The following SACM1L variants were observed in gnomAD, a reference collection of about 807,000 sequenced individuals.
The protein encoded by SACM1L is phosphatidylinositol-3-phosphatase SAC1.
A neutral mutation model predicts 89.5 loss-of-function variants in SACM1L; 32 were observed. The ratio of observed to expected loss-of-function variants is 0.36; its 90% CI spans 0.27 to 0.48. The LOEUF is 0.48. Ranked by LOEUF, SACM1L falls within the 20% of genes least tolerant of loss-of-function variation. SACM1L has a pLI of 0.99. For missense variants in SACM1L, 543 were observed against 708.5 expected (o/e 0.77, Z 2.65); for synonymous variants, 213 against 232.8 (o/e 0.92, Z 0.77).
rs1698820674 is a variant in SACM1L, at chr3:45,722,967, G to T, written c.852+12G>T. The T allele has an allele frequency of 6.2e-7, 1 of 1,600,054 alleles. No individual in the cohort carries two copies. Among genetic ancestry groups the T allele is most frequent in the Admixed American group, 1.7e-5 (1 of 59,570 alleles). ...AAGTAGCAAATCACGTGTGTATCTT[G>T]CATGCCTTTTTTGTTGGTTAAAAAT... On this transcript the variant is annotated intron_variant, in intron 10 of 19. Transcript: ENST00000389061.
intron 11 of SACM1L, among the ~76,000 whole-genome samples, chr3:45,724,109 G>T (rs1389090721): frequency 6.6e-6 from 1 of 152,040 alleles, no homozygotes; most frequent in Non-Finnish European, 1.5e-5. Flanking sequence ...ATCTGATTGA[G>T]TCCCTGTTTT....
chr3:45,736,675 A>T (rs1490934903), intron 14 of SACM1L, among the ~76,000 whole-genome samples: 1 of 152,244 alleles, frequency 6.6e-6, no homozygotes, highest in East Asian at 1.9e-4. Flanking sequence ...GTTTGGTTCC[A>T]TGGCTGATTA....
intron 7 of SACM1L, among the ~76,000 whole-genome samples, chr3:45,715,138 TA>T (rs1450037640): frequency 6.6e-6 from 1 of 152,138 alleles, no homozygotes; most frequent in Non-Finnish European, 1.5e-5. Context: ...GTACACTCTA[TA>T]ATGTATAGAA....
chr3:45,724,133 C>A (rs1373440241), intron 11 of SACM1L, among the ~76,000 whole-genome samples: 1 of 152,060 alleles, frequency 6.6e-6, no homozygotes, highest in Non-Finnish European at 1.5e-5. Context: ...TTCTTTTAGG[C>A]TTATACTTAG....
At chr3:45,731,594 T>C (rs1699055006) in intron 12 of SACM1L, among the ~76,000 whole-genome samples, 1 of 152,238 alleles carries the variant, frequency 6.6e-6, no homozygotes, top group African/African-American at 2.4e-5. Flanking sequence ...TAGTCTCTGA[T>C]TAAAATTCCC....
Position 45,743,689 on chromosome 3 carries a change from G to A in SACM1L, c.*20G>A, listed in dbSNP as rs754712614. 1.1e-5 allele frequency: 18 copies of A among 1,607,158 alleles called. No homozygotes were observed. Among genetic ancestry groups the A allele is most frequent in the Admixed American group, 8.5e-5 (5 of 59,162 alleles). On this transcript the variant is annotated 3_prime_UTR_variant, in exon 20 of 20. Coordinates refer to ENST00000389061, the MANE Select transcript of SACM1L (RefSeq NM_014016.5). ...GACTGAATTTGTATTTGTGGAAAGC[G>A]GCTTGGCTTGGAAGATTCCATTGTG...
intron 19 of SACM1L, 60 bp downstream of exon 19, chr3:45,739,704 C>T: frequency 4.0e-6 from 6 of 1,517,344 alleles, no homozygotes; most frequent in Non-Finnish European, 5.5e-6. Flanking sequence ...TTTACAACAT[C>T]TTAAGTTTTT....
At chr3:45,724,651 T>C (rs987739269) in intron 11 of SACM1L, among the ~76,000 whole-genome samples, 7 of 152,180 alleles carry the variant, frequency 4.6e-5, no homozygotes, top group African/African-American at 1.7e-4. Context: ...CCAGCTTATC[T>C]AGTTTTTCTT....
At chr3:45,708,956 T>A (rs1215754922) in intron 4 of SACM1L, among the ~76,000 whole-genome samples, 3 of 152,260 alleles carry the variant, frequency 2.0e-5, no homozygotes, top group African/African-American at 7.2e-5. Flanking sequence ...CTGGACTTTT[T>A]AATCTTTGTT....
At chr3:45,717,114 C>T (rs949698192) in intron 7 of SACM1L, among the ~76,000 whole-genome samples, 1 of 152,184 alleles carries the variant, frequency 6.6e-6, no homozygotes, top group African/African-American at 2.4e-5. Context: ...GAATTGGGAG[C>T]TCAAGAGGAG....
Position 45,744,890 on chromosome 3 carries a change from C to T in SACM1L, c.*1221C>T, listed in dbSNP as rs1315539852. The stretch of plus-strand genomic sequence containing the variant: ...ACTGCTGCAATATTTCAGTGTTGTG[C>T]TTGAAAATATGTACAGTTTTTTTCC... On this transcript the variant is annotated 3_prime_UTR_variant, in exon 20 of 20. Coordinates refer to ENST00000389061, the MANE Select transcript of SACM1L (RefSeq NM_014016.5). The T allele has an allele frequency of 6.6e-6, 1 of 152,414 alleles. No individual in the cohort carries two copies. The highest frequency in any genetic ancestry group is 1.5e-5 in the Non-Finnish European group (1 of 68,030). 9.4% of individuals were successfully genotyped at this position (152,414 alleles called of 1,614,324 possible).
Position 45,739,655 on chromosome 3 carries a change from T to A in SACM1L, c.1627+11T>A. On this transcript the variant is annotated intron_variant, in intron 19 of 19. Transcript: ENST00000389061. ...GTTTGCTTATGGCTGGTAAGTCTGC[T>A]CCACACATTTGTTTCTTAGTTAGAA... The A allele has an allele frequency of 6.2e-7, 1 of 1,613,492 alleles. No individual in the cohort carries two copies. The highest frequency in any genetic ancestry group is 8.5e-7 in the Non-Finnish European group (1 of 1,179,474).
chr3:45,738,630 A>G lies in SACM1L; in HGVS notation c.1435A>G (p.Ile479Val). The change falls in exon 17 of 20, where the codon ATA becomes GTA. Residue 479 changes from isoleucine (I) to valine (V), a missense_variant. Ile to Val is a conservative substitution (Grantham distance 29). Coordinates refer to ENST00000389061, the MANE Select transcript of SACM1L (RefSeq NM_014016.5). ...TATAATGGATGGCTGGAACTCAATG[A>G]TACGATATTATAAGAACAACTTTTC... ...GLIMDGWNSM[I>V]RYYKNNFSDG... The G allele has an allele frequency of 6.2e-7, 1 of 1,612,912 alleles. No individual in the cohort carries two copies. Among genetic ancestry groups the G allele is most frequent in the East Asian group, 2.2e-5 (1 of 44,798 alleles).
intron 11 of SACM1L, among the ~76,000 whole-genome samples, chr3:45,727,747 C>T (rs1698956150): frequency 6.6e-6 from 1 of 152,156 alleles, no homozygotes; most frequent in South Asian, 2.1e-4. Flanking sequence ...AGGCGCCCAC[C>T]ACCACACCTG....
At chr3:45,689,642 C>T (rs1034300347) in intron 1 of SACM1L, 145 bp downstream of exon 1, 1 of 1,011,774 alleles carries the variant, frequency 9.9e-7, no homozygotes. Flanking sequence ...GCCGGCGCGG[C>T]CTCTCCTAGG....
intron 3 of SACM1L, among the ~76,000 whole-genome samples, chr3:45,705,866 A>G (rs566271452): frequency 6.6e-6 from 1 of 152,332 alleles, no homozygotes; most frequent in Non-Finnish European, 1.5e-5. Context: ...CCCTGTAGTA[A>G]TAGGACATAG....
chr3:45,732,205 C>A (rs1699091089), intron 13 of SACM1L, 54 bp downstream of exon 13: 2 of 1,014,882 alleles, frequency 2.0e-6, no homozygotes, highest in South Asian at 1.7e-5. Flanking sequence ...ATATATCAGT[C>A]ATATTTTATT....
At chr3:45,732,511 T>C (rs1171403180) in intron 13 of SACM1L, among the ~76,000 whole-genome samples, 1 of 152,232 alleles carries the variant, frequency 6.6e-6, no homozygotes, top group Non-Finnish European at 1.5e-5. Context: ...TCTGTAATGA[T>C]AGTGTTTAAT....
chr3:45,698,426 G>A (rs1160454821), intron 1 of SACM1L, among the ~76,000 whole-genome samples: 1 of 152,184 alleles, frequency 6.6e-6, no homozygotes, highest in Non-Finnish European at 1.5e-5. Context: ...TAGCCTGATG[G>A]CAGCATCAGC....
Sources: allele counts gnomAD v4.1 joint callset (sites outside exome capture counted in the v4.1 genomes callset), GRCh38; gene constraint gnomAD v4.1.1; transcripts MANE v1.5; gene names NCBI Gene and HGNC (gene_info 2026-07-23, HGNC 2026-07-21).